DLG2: variants seen among roughly 807,000 people sequenced by gnomAD.
DLG2 encodes discs large MAGUK scaffold protein 2.
In DLG2, 45 loss-of-function variants were observed where a neutral mutation model predicts 132.5. That is an observed-to-expected ratio of 0.34 (90% CI 0.27 to 0.44). DLG2 has a LOEUF of 0.44. DLG2 is among the 20% of genes least tolerant of loss of function. The pLI is 1.00. For missense variants in DLG2, 1,045 were observed against 1,196.9 expected (o/e 0.87, Z 1.87); for synonymous variants, 424 against 419.6 (o/e 1.01, Z -0.13).
chr11:84,630,374 T>TC (rs979265579), intron 6 of DLG2, among the ~76,000 whole-genome samples: 2 of 152,130 alleles, frequency 1.3e-5, no homozygotes, highest in African/African-American at 4.8e-5. Context: ...CTACTATGAC[T>TC]CCTCCTTTGA....
chr11:84,330,375 G>A (rs955090175), intron 7 of DLG2, among the ~76,000 whole-genome samples: 2 of 152,130 alleles, frequency 1.3e-5, no homozygotes, highest in African/African-American at 4.8e-5. Context: ...TACTTACAAA[G>A]TGTCTCAAGC....
rs2081143705 is a variant in DLG2, at chr11:83,692,375, A to C, written c.1826-59050T>G. On this transcript the variant is annotated intron_variant, in intron 18 of 27. Transcript: ENST00000376104. ...AATAACATGCCTAACTTTTAGGATC[A>C]TGGTGAGGGTTATATAAAAGAATGT... 2.6e-5 allele frequency among the ~76,000 whole-genome samples: 4 copies of C among 152,226 alleles called. No homozygotes were observed. The South Asian group carries it at 8.3e-4, about 31-fold the overall frequency.
intron 12 of DLG2, among the ~76,000 whole-genome samples, chr11:83,969,331 G>A (rs1323267316): frequency 6.6e-6 from 1 of 152,094 alleles, no homozygotes; most frequent in East Asian, 1.9e-4. Context: ...ACATATAAAA[G>A]TAGAATAAAT....
intron 6 of DLG2, among the ~76,000 whole-genome samples, chr11:84,763,753 C>G (rs974939787): frequency 6.6e-6 from 1 of 152,096 alleles, no homozygotes; most frequent in African/African-American, 2.4e-5. Flanking sequence ...TTCAGAATAA[C>G]TTTTTTTAAA....
intron 16 of DLG2, among the ~76,000 whole-genome samples, chr11:83,839,900 C>A (rs2154014282): frequency 6.6e-6 from 1 of 152,260 alleles, no homozygotes; most frequent in East Asian, 1.9e-4. Flanking sequence ...CCCTCTAATT[C>A]AGGTTTTGAC....
At chr11:85,288,473 T>C (rs2078694943) in intron 3 of DLG2, among the ~76,000 whole-genome samples, 1 of 151,942 alleles carries the variant, frequency 6.6e-6, no homozygotes, top group Non-Finnish European at 1.5e-5. Flanking sequence ...AAACAAAATA[T>C]GTTTGCATCA....
At chr11:84,897,136 A>G (rs991137446) in intron 6 of DLG2, among the ~76,000 whole-genome samples, 5 of 96,746 alleles carry the variant, frequency 5.2e-5, no homozygotes, top group Non-Finnish European at 9.4e-5. Flanking sequence ...TTCTTGTACT[A>G]GTTACATATA....
chr11:85,247,391 C>T (rs1419348894), intron 4 of DLG2, among the ~76,000 whole-genome samples: 2 of 151,934 alleles, frequency 1.3e-5, no homozygotes, highest in Non-Finnish European at 2.9e-5. Flanking sequence ...TAGGAATATA[C>T]TTTAGGTCTT....
intron 6 of DLG2, among the ~76,000 whole-genome samples, chr11:84,915,048 G>A (rs2092368485): frequency 6.6e-6 from 1 of 152,210 alleles, no homozygotes; most frequent in Non-Finnish European, 1.5e-5. Flanking sequence ...GCTATATGGA[G>A]AAGCCCTAGT....
At chr11:84,718,753 G>C (rs1295149280) in intron 6 of DLG2, among the ~76,000 whole-genome samples, 2 of 152,172 alleles carry the variant, frequency 1.3e-5, no homozygotes, top group East Asian at 3.9e-4. Context: ...GCATGAGGTA[G>C]GGGTGGCAGG....
At chr11:84,416,115 T>C (rs1375707631) in intron 7 of DLG2, among the ~76,000 whole-genome samples, 1 of 152,222 alleles carries the variant, frequency 6.6e-6, no homozygotes, top group Admixed American at 6.5e-5. Context: ...TTCTCCATTT[T>C]GTGCTCCAGC....
chr11:85,594,805 T>C (rs556070621), intron 3 of DLG2, among the ~76,000 whole-genome samples: 29 of 152,168 alleles, frequency 1.9e-4, no homozygotes, highest in African/African-American at 6.3e-4. Flanking sequence ...CGGTGGTGCA[T>C]GCCTGTAATC....
At chr11:84,125,319 T>A (rs1305095941) in intron 9 of DLG2, among the ~76,000 whole-genome samples, 10 of 152,188 alleles carry the variant, frequency 6.6e-5, no homozygotes, top group Admixed American at 1.3e-4. Flanking sequence ...AGTTTTTGGT[T>A]ACCCATAGCT....
At chr11:84,396,922 A>C (rs2098812985) in intron 7 of DLG2, among the ~76,000 whole-genome samples, 1 of 152,190 alleles carries the variant, frequency 6.6e-6, no homozygotes, top group Non-Finnish European at 1.5e-5. Context: ...TTTGGGACCC[A>C]AAGGTCCTAA....
At position 84,012,302 on chromosome 11, in the gene DLG2, C is replaced by CTATTTGTA. The variant is rs1242817677; in HGVS notation, c.920-31661_920-31660insTACAAATA. Among the ~76,000 whole-genome samples the CTATTTGTA allele has an allele frequency of 5.9e-5, 9 of 152,136 alleles. No homozygotes were observed. In the East Asian group the frequency reaches 1.7e-3, roughly 29 times the overall value. ...AGATCATTGTGTACTATTTGTAAGA[C>CTATTTGTA]AGAAGAAATACAGATCCTGATTTTT... On this transcript the variant is annotated intron_variant, in intron 11 of 27. Coordinates refer to ENST00000376104, the MANE Select transcript of DLG2 (RefSeq NM_001142699.3).
intron 9 of DLG2, among the ~76,000 whole-genome samples, chr11:84,129,347 A>G (rs1357806529): frequency 6.6e-6 from 1 of 152,040 alleles, no homozygotes; most frequent in Non-Finnish European, 1.5e-5. Flanking sequence ...TCTGTGAGAG[A>G]CCTTAGCCTG....
intron 3 of DLG2, among the ~76,000 whole-genome samples, chr11:85,465,913 G>A (rs1406186228): frequency 6.6e-6 from 1 of 152,032 alleles, no homozygotes; most frequent in African/African-American, 2.4e-5. Context: ...CTAGTTTACA[G>A]TCCCACCAAC....
intron 3 of DLG2, among the ~76,000 whole-genome samples, chr11:85,348,373 C>G (rs1424410016): frequency 1.3e-5 from 2 of 151,712 alleles, no homozygotes; most frequent in African/African-American, 4.9e-5. Context: ...CAGGCCCGCA[C>G]CACCAAGCCC....
In DLG2 at chr11:83,724,415, G is replaced by A. The variant is rs2089483262; in HGVS notation, c.1825+62275C>T. Among the ~76,000 whole-genome samples, 4 of 150,490 alleles carry A rather than the reference G, an allele frequency of 2.7e-5. No homozygotes were observed. In the South Asian group the frequency reaches 6.3e-4, roughly 24 times the overall value. On this transcript the variant is annotated intron_variant, in intron 18 of 27. Transcript: ENST00000376104. The stretch of plus-strand genomic sequence containing the variant: ...CCAGGTATTGCTGGAACCAATTTAA[G>A]TCTAAAGCAAATATTTCACATTCCT...
Sources: allele counts gnomAD v4.1 joint callset (sites outside exome capture counted in the v4.1 genomes callset), GRCh38; gene constraint gnomAD v4.1.1; transcripts MANE v1.5; gene names NCBI Gene and HGNC (gene_info 2026-07-23, HGNC 2026-07-21).